Variants in PCDHGA3 observed in about 807,000 individuals in gnomAD.
The protein encoded by PCDHGA3 is protocadherin gamma-A3.
PCDHGA3 carries 40 observed loss-of-function variants against 58.5 expected under a neutral mutation model. The ratio of observed to expected loss-of-function variants is 0.68; its 90% confidence interval spans 0.53 to 0.89. PCDHGA3 has a LOEUF of 0.89. Ranked by LOEUF, PCDHGA3 falls within the 40% of genes least tolerant of loss-of-function variation. The probability of loss-of-function intolerance (pLI) is 0.00; values close to 1 mark genes in which losing one functional copy is unlikely to be tolerated. For synonymous variants in PCDHGA3, 530 were observed against 525.7 expected (o/e 1.01, Z -0.11); for missense variants, 1,223 against 1,195.9 (o/e 1.02, Z -0.33).
chr5:141,433,437 T>C (rs1422634356), intron 1 of PCDHGA3, among the ~76,000 whole-genome samples: 2 of 152,076 alleles, frequency 1.3e-5, no homozygotes, highest in Admixed American at 1.3e-4. Flanking sequence ...AGTCTCACTA[T>C]GTTGAGCAGG....
intron 1 of PCDHGA3, chr5:141,374,138 C>A: frequency 6.2e-7 from 1 of 1,608,824 alleles, no homozygotes. Context: ...GCTCCTCACG[C>A]TCCTGGGGAC....
At chr5:141,418,316 A>G in intron 1 of PCDHGA3, 1 of 1,614,026 alleles carries the variant, frequency 6.2e-7, no homozygotes, top group Non-Finnish European at 8.5e-7. Context: ...GATGGGAACA[A>G]TTCTTGAGTC....
Position 141,477,898 on chromosome 5 carries a change from A to G in PCDHGA3, c.2425-16909A>G. 1 of 1,614,158 alleles carries G rather than the reference A, an allele frequency of 6.2e-7. No homozygotes were observed. Among genetic ancestry groups the G allele is most frequent in the Middle Eastern group, 1.6e-4 (1 of 6,062 alleles). ...CTGGCCACCTAGTGTCACGGGTGGTAGGCTGGGACGCGGATGCAGGGCACA... is the reference window on the plus strand; with the variant it reads ...CTGGCCACCTAGTGTCACGGGTGGTGGGCTGGGACGCGGATGCAGGGCACA... On this transcript the variant is annotated intron_variant, in intron 1 of 3. Coordinates refer to ENST00000253812, the MANE Select transcript of PCDHGA3 (RefSeq NM_018916.4). This position sits in a 1 kb window ranked among gnomAD's most constrained non-coding sequence, Gnocchi z 4.9.
At chr5:141,443,029 C>T (rs1281303741) in intron 1 of PCDHGA3, among the ~76,000 whole-genome samples, 3 of 152,192 alleles carry the variant, frequency 2.0e-5, no homozygotes, top group Non-Finnish European at 2.9e-5. Flanking sequence ...AGTTGCCAGA[C>T]CTAAACTTTG....
Position 141,346,273 on chromosome 5 carries a change from G to C in PCDHGA3, c.2240G>C (p.Arg747Pro), listed in dbSNP as rs202194695. The C allele has an allele frequency of 1.9e-6, 3 of 1,614,164 alleles. No individual in the cohort carries two copies. Among genetic ancestry groups the C allele is most frequent in the Admixed American group, 1.7e-5 (1 of 60,030 alleles). The change falls in exon 1 of 4, where the codon CGG becomes CCG. Residue 747 changes from arginine to proline, a missense_variant. Around this residue, in one of 3 missense-constraint regions of PCDHGA3, gnomAD observed 325 missense variants for 327.5 expected, o/e 0.99. Coordinates refer to ENST00000253812, the MANE Select transcript of PCDHGA3 (RefSeq NM_018916.4). ...GSHFVGADGVRAFLQTYSHEV... is the reference protein window; with the variant it reads ...GSHFVGADGVPAFLQTYSHEV... The stretch of plus-strand genomic sequence containing the variant: ...CACTTTGTGGGCGCGGACGGGGTTC[G>C]GGCTTTCCTGCAGACCTATTCCCAC...
In PCDHGA3 at chr5:141,344,101, T is replaced by A. The variant is rs1561487104; in HGVS notation, c.68T>A (p.Leu23Gln). ...CTGCTGTGCGCGCTCCTGGGGACGC[T>A]GTGCGAAACAGGATCCGGTCAGATC... The part of the protein sequence containing the change: ...LALLCALLGT[L>Q]CETGSGQIRY... Residue 23 changes from leucine to glutamine, a missense_variant, in exon 1 of 4, where the codon CTG becomes CAG. By Grantham distance (113) the Leu-to-Gln change is moderately radical (BLOSUM62 -2). Transcript: ENST00000253812. 1.2e-6 allele frequency: 2 copies of A among 1,613,816 alleles called. No individual in the cohort carries two copies. Among genetic ancestry groups the A allele is most frequent in the South Asian group, 1.1e-5 (1 of 91,074 alleles).
intron 1 of PCDHGA3, chr5:141,415,759 T>TTTG: frequency 3.7e-6 from 5 of 1,352,140 alleles, no homozygotes; most frequent in Non-Finnish European, 4.8e-6. Flanking sequence ...TTTTTTTTTT[T>TTTG]TTTTTTTTTT....
At chr5:141,415,045 G>A (rs2095819214) in intron 1 of PCDHGA3, 23 of 1,613,538 alleles carry the variant, frequency 1.4e-5, no homozygotes, top group Non-Finnish European at 1.8e-5. Flanking sequence ...CTTCGCGGTG[G>A]GGGAGCACAC....
intron 1 of PCDHGA3, chr5:141,478,233 TG>T (rs1467423955): frequency 3.7e-6 from 6 of 1,614,126 alleles, no homozygotes; most frequent in Non-Finnish European, 5.1e-6. Flanking sequence ...GTGGGGTTTG[TG>T]GTCACAGTGT....
intron 1 of PCDHGA3, chr5:141,404,337 C>A (rs766940096): frequency 6.2e-6 from 10 of 1,613,902 alleles, no homozygotes; most frequent in Middle Eastern, 3.3e-4. Flanking sequence ...GTCTACCTCC[C>A]GGAAAACAAC....
At chr5:141,353,104 G>A (rs1481867044) in intron 1 of PCDHGA3, among the ~76,000 whole-genome samples, 1 of 152,134 alleles carries the variant, frequency 6.6e-6, no homozygotes, top group Non-Finnish European at 1.5e-5. Flanking sequence ...GTACTAGATA[G>A]ATGGAGATTG....
chr5:141,477,845 G>A lies in PCDHGA3; in HGVS notation c.2425-16962G>A, dbSNP rs1164464559. On this transcript the variant is annotated intron_variant, in intron 1 of 3. Transcript: ENST00000253812. This position sits in a 1 kb window ranked among gnomAD's most constrained non-coding sequence, Gnocchi z 4.9. ...ATATCCTCGGCCAGGTGGGAGCTCGGTGGAGATGCTGCCTCGAGGTACCTC... is the reference window on the plus strand; with the variant it reads ...ATATCCTCGGCCAGGTGGGAGCTCGATGGAGATGCTGCCTCGAGGTACCTC... 11 of 1,614,040 alleles carry A rather than the reference G, an allele frequency of 6.8e-6. No individual in the cohort carries two copies. The highest frequency in any genetic ancestry group is 9.3e-6 in the Non-Finnish European group (11 of 1,180,036).
chr5:141,366,249 A>G (rs1307246069), intron 1 of PCDHGA3: 1 of 1,613,634 alleles, frequency 6.2e-7, no homozygotes, highest in Non-Finnish European at 8.5e-7. Context: ...GCGCTCAAGC[A>G]GAGCCTCGTG....
intron 1 of PCDHGA3, among the ~76,000 whole-genome samples, chr5:141,457,215 T>C (rs1356941645): frequency 1.3e-5 from 2 of 152,186 alleles, no homozygotes; most frequent in South Asian, 2.1e-4. Flanking sequence ...AAATGTGGTG[T>C]GGTAGGTAAT....
intron 1 of PCDHGA3, chr5:141,372,749 C>T (rs1368298645): frequency 1.2e-6 from 2 of 1,613,056 alleles, no homozygotes; most frequent in Non-Finnish European, 1.7e-6. Flanking sequence ...GTGATGAAGC[C>T]TCTTGGTTTG....
intron 1 of PCDHGA3, chr5:141,407,888 C>T (rs769893466): frequency 2.6e-6 from 1 of 388,626 alleles, no homozygotes; most frequent in Non-Finnish European, 4.6e-6. Flanking sequence ...TTTCGGAGAC[C>T]GAATTCAAAA....
chr5:141,399,143 A>G (rs750976328), intron 1 of PCDHGA3: 12 of 1,613,780 alleles, frequency 7.4e-6, no homozygotes, highest in Admixed American at 3.3e-5. Context: ...GAAAATGACA[A>G]TAGCCCAGAA....
chr5:141,393,430 C>T, intron 1 of PCDHGA3: 1 of 1,614,040 alleles, frequency 6.2e-7, no homozygotes, highest in Non-Finnish European at 8.5e-7. Context: ...GAGGAAGAGG[C>T]TGCTCACCAC....
Position 141,403,164 on chromosome 5 carries a change from G to A in PCDHGA3, c.2424+56707G>A, listed in dbSNP as rs11575960. The A allele has an allele frequency of 4.9e-3, 7,986 of 1,614,050 alleles. 45 individuals are homozygous for A. Among genetic ancestry groups the A allele is most frequent in the Admixed American group, 9.4e-3 (567 of 60,028 alleles). The stretch of plus-strand genomic sequence containing the variant: ...CGAGTCCGCATCGTCTCTAGAGGTA[G>A]GACGCAGCTTTTCTCTCTGAACCCG... On this transcript the variant is annotated intron_variant, in intron 1 of 3. Coordinates refer to ENST00000253812, the MANE Select transcript of PCDHGA3 (RefSeq NM_018916.4).
Sources: allele counts gnomAD v4.1 joint callset (sites outside exome capture counted in the v4.1 genomes callset), GRCh38; gene constraint gnomAD v4.1.1; regional missense constraint gnomAD v4.1.1; non-coding constraint Gnocchi (gnomAD v3.1); transcripts MANE v1.5; gene names NCBI Gene and HGNC (gene_info 2026-07-23, HGNC 2026-07-21).